DSCAML1: variants seen among roughly 807,000 people sequenced by gnomAD.
DSCAML1 encodes DS cell adhesion molecule like 1.
In DSCAML1, 38 loss-of-function variants were observed where a neutral mutation model predicts 200.5. The ratio of observed to expected loss-of-function variants is 0.19; its 90% CI spans 0.15 to 0.25. DSCAML1 has a LOEUF of 0.25. Ranked by LOEUF, DSCAML1 falls within the 10% of genes least tolerant of loss-of-function variation. The pLI is 1.00. For missense variants in DSCAML1, 2,223 were observed against 2,858.8 expected (o/e 0.78, Z 5.07); for synonymous variants, 1,215 against 1,165.0 (o/e 1.04, Z -0.87).
intron 4 of DSCAML1, among the ~76,000 whole-genome samples, chr11:117,527,567 C>G (rs936092886): frequency 2.6e-5 from 4 of 152,174 alleles, no homozygotes; most frequent in Non-Finnish European, 2.9e-5. Flanking sequence ...GCTTAGGGAG[C>G]TTGAGGCACA....
At chr11:117,684,528 A>G (rs1042025314) in intron 3 of DSCAML1, among the ~76,000 whole-genome samples, 1 of 151,584 alleles carries the variant, frequency 6.6e-6, no homozygotes, top group Non-Finnish European at 1.5e-5. Context: ...ACTCAATTAT[A>G]TACAGAGATG....
chr11:117,805,308 G>A (rs148623988), intron 1 of DSCAML1, among the ~76,000 whole-genome samples: 3 of 152,296 alleles, frequency 2.0e-5, no homozygotes, highest in East Asian at 3.9e-4. Flanking sequence ...GCTCAGCTAA[G>A]AATGCAGCAA....
chr11:117,612,608 C>T (rs755814210), intron 3 of DSCAML1, among the ~76,000 whole-genome samples: 11 of 152,080 alleles, frequency 7.2e-5, no homozygotes, highest in East Asian at 5.8e-4. Context: ...TGGTGATATC[C>T]CTGAATCCCA....
Position 117,428,273 on chromosome 11 carries a change from G to T in DSCAML1, c.*55C>A. ...ATAATGCAGAAAAACAGCCGAGCTG[G>T]CGTGTGGGGCTGCGGCGCGGCGCGG... On this transcript the variant is annotated 3_prime_UTR_variant, in exon 33 of 33. Transcript: ENST00000651296. 1.0e-6 allele frequency: 1 copy of T among 985,550 alleles called. No homozygotes were observed. The allele number at this position is 985,550 out of a possible 1,614,324, so 61.1% of individuals were successfully genotyped here. A position where few individuals can be genotyped will look rare whatever the true frequency, so the allele number is the denominator to read the frequency against.
chr11:117,430,624 A>T, intron 32 of DSCAML1, 98 bp downstream of exon 32: 3 of 1,403,336 alleles, frequency 2.1e-6, no homozygotes, highest in South Asian at 1.4e-5. Context: ...CTGGGCTGGC[A>T]TGATCCTGGT....
At chr11:117,697,162 C>T (rs1053309540) in intron 3 of DSCAML1, among the ~76,000 whole-genome samples, 1 of 152,198 alleles carries the variant, frequency 6.6e-6, no homozygotes, top group Non-Finnish European at 1.5e-5. Context: ...ATTGAGTCAG[C>T]AGCACTAGGA....
intron 3 of DSCAML1, among the ~76,000 whole-genome samples, chr11:117,679,314 G>T (rs1021477303): frequency 6.6e-6 from 1 of 152,230 alleles, no homozygotes; most frequent in African/African-American, 2.4e-5. Context: ...TGGTGCGGCG[G>T]TCGGAGCTGC....
intron 3 of DSCAML1, among the ~76,000 whole-genome samples, chr11:117,557,500 G>A (rs1361862920): frequency 6.6e-6 from 1 of 152,290 alleles, no homozygotes; most frequent in African/African-American, 2.4e-5. Context: ...GTCCCTGCCC[G>A]CCTCACTCGA....
intron 3 of DSCAML1, among the ~76,000 whole-genome samples, chr11:117,665,589 C>T (rs760293357): frequency 3.3e-5 from 5 of 152,298 alleles, no homozygotes; most frequent in African/African-American, 1.2e-4. Flanking sequence ...CAATGGCTTC[C>T]TGGAAAATCT....
At chr11:117,764,639 C>G (rs1431784415) in intron 3 of DSCAML1, among the ~76,000 whole-genome samples, 1 of 152,256 alleles carries the variant, frequency 6.6e-6, no homozygotes, top group Non-Finnish European at 1.5e-5. Context: ...ATGGCTGGCA[C>G]AGCTACAGGC....
intron 1 of DSCAML1, 136 bp downstream of exon 1, chr11:117,796,898 C>G (rs1455804171): frequency 7.4e-6 from 4 of 540,352 alleles, no homozygotes; most frequent in African/African-American, 2.0e-5. Flanking sequence ...CCCCTCCCCG[C>G]TGCGCCCCAC....
intron 3 of DSCAML1, among the ~76,000 whole-genome samples, chr11:117,739,628 G>T (rs187154241): frequency 2.6e-5 from 4 of 152,326 alleles, no homozygotes; most frequent in East Asian, 1.9e-4. Context: ...ACCCCACAGT[G>T]GATACTGGAC....
In DSCAML1 at chr11:117,812,783, A is replaced by G. The variant is rs549275671; in HGVS notation, c.-250+4607T>C. 4.2e-4 allele frequency among the ~76,000 whole-genome samples: 61 copies of G among 146,024 alleles called. 2 individuals carry two copies. The highest frequency in any genetic ancestry group is 6.5e-4 in the Non-Finnish European group (42 of 64,550). ...CCAAACCTCAATCCTTTACAAAACA[A>G]CAACTCCTTTCCTTCCTAGGCATGG... On this transcript the variant is annotated intron_variant, in intron 1 of 2. Coordinates refer to the DSCAML1 transcript ENST00000525836.
intron 3 of DSCAML1, among the ~76,000 whole-genome samples, chr11:117,559,987 C>T (rs994896138): frequency 2.0e-5 from 3 of 152,062 alleles, no homozygotes; most frequent in African/African-American, 7.2e-5. Flanking sequence ...CTCCAGCCCC[C>T]TGCCCAGAGC....
At position 117,571,285 on chromosome 11, in the gene DSCAML1, A is replaced by G. The variant is rs977124390; in HGVS notation, c.512-38763T>C. Among the ~76,000 whole-genome samples the G allele has an allele frequency of 1.2e-4, 18 of 152,302 alleles. 1 individual carries two copies. Among genetic ancestry groups the G allele is most frequent in the Middle Eastern group, 6.8e-3 (2 of 294 alleles). ...CATCCTTATCATTGCAGTTATTGCT[A>G]CAATTTACTGAGCAGCTGTCACTCT... On this transcript the variant is annotated intron_variant, in intron 3 of 32. Transcript: ENST00000651296.
intron 3 of DSCAML1, among the ~76,000 whole-genome samples, chr11:117,588,792 AGGGGC>A (rs1287572320): frequency 6.6e-6 from 1 of 151,884 alleles, no homozygotes; most frequent in African/African-American, 2.4e-5. Flanking sequence ...AGGCATGGCC[AGGGGC>A]GGGTGTGGGG....
At chr11:117,807,395 G>C (rs2055715608) in intron 1 of DSCAML1, among the ~76,000 whole-genome samples, 2 of 152,190 alleles carry the variant, frequency 1.3e-5, no homozygotes, top group Non-Finnish European at 2.9e-5. Context: ...AATGATTTGG[G>C]GGGTGGGAGA....
intron 3 of DSCAML1, among the ~76,000 whole-genome samples, chr11:117,736,968 A>G (rs1321145330): frequency 6.6e-6 from 1 of 152,140 alleles, no homozygotes; most frequent in Non-Finnish European, 1.5e-5. Flanking sequence ...TAGATTGCAG[A>G]GGCATTACAG....
rs2049433975 is a variant in DSCAML1 at position 117,503,356 on chromosome 11, T to A, written c.2359+489A>T. Among the ~76,000 whole-genome samples the A allele has an allele frequency of 6.6e-6, 1 of 151,152 alleles. No individual in the cohort carries two copies. The highest frequency in any genetic ancestry group is 2.4e-5 in the African/African-American group (1 of 41,034). ...GAAACTGGAGCACAGGGAGGGGGAGTGACTCGCCCAAGGTCACTCAGCTCA... is the reference window on the plus strand; with the variant it reads ...GAAACTGGAGCACAGGGAGGGGGAGAGACTCGCCCAAGGTCACTCAGCTCA... On this transcript the variant is annotated intron_variant, in intron 11 of 32. Transcript: ENST00000651296. The surrounding 1 kb of genome is among the most constrained non-coding windows in gnomAD (Gnocchi z 5.2).
Sources: gnomAD v4.1 joint callset for allele counts (sites outside exome capture counted in the v4.1 genomes callset) on GRCh38, gnomAD v4.1.1 for gene constraint, Gnocchi (gnomAD v3.1) non-coding constraint, MANE v1.5 for transcripts, NCBI Gene and HGNC (gene_info 2026-07-23, HGNC 2026-07-21) for gene names.